CCDC171: variants seen among roughly 807,000 people sequenced by gnomAD.
CCDC171 encodes the protein coiled-coil domain containing 171, also known as coiled-coil domain-containing protein 171.
Under a neutral mutation model 168.2 loss-of-function variants are expected in CCDC171, and 177 were observed. The ratio of observed to expected loss-of-function variants is 1.05; its 90% CI spans 0.93 to 1.19. CCDC171 has a LOEUF of 1.19. Ranked by LOEUF, CCDC171 falls within the 50% of genes most tolerant of loss-of-function variation. The pLI, the probability that CCDC171 is intolerant of heterozygous loss-of-function variation, is 0.00. For synonymous variants in CCDC171, 687 were observed against 540.8 expected (o/e 1.27, Z -3.75); for missense variants, 1,991 against 1,539.0 (o/e 1.29, Z -4.91).
intron 4 of CCDC171, among the ~76,000 whole-genome samples, chr9:15,590,651 A>T (rs993684329): frequency 3.3e-5 from 5 of 152,214 alleles, no homozygotes; most frequent in African/African-American, 9.6e-5. Context: ...CTTGTGTAAG[A>T]TGTGTTACAA....
At position 15,846,753 on chromosome 9, in the gene CCDC171, C is replaced by T; in HGVS notation, c.3319C>T (p.Gln1107Ter). The T allele has an allele frequency of 6.2e-7, 1 of 1,612,974 alleles. No individual in the cohort carries two copies. The highest frequency in any genetic ancestry group is 1.7e-4 in the Middle Eastern group (1 of 6,056). ...GAGAAGAAAAGATCAATCTCTGCGT[C>T]AGCTCAATAGACATCTTACCCAGCT... ...ELRRKDQSLR[Q>*]LNRHLTQLEQ... The change falls in exon 22 of 26, where the codon CAG (glutamine) becomes TAG (stop). Residue 1107 changes from glutamine (Q) to a stop codon, truncating the protein, a stop_gained. Coordinates refer to ENST00000380701, the MANE Select transcript of CCDC171 (RefSeq NM_173550.4). LOFTEE classifies it high-confidence loss of function.
Position 15,779,130 on chromosome 9 carries a change from T to C in CCDC171, c.3061T>C (p.Leu1021=). Reference sequence around the variant, plus strand: ...CAAAGCCCAGGGTCTGCAAATGCAATTAAATGAATTTAAGCAGTCTGTAAG... The same window carrying C: ...CAAAGCCCAGGGTCTGCAAATGCAACTAAATGAATTTAAGCAGTCTGTAAG... ...LDKAQGLQMQ[L]NEFKQSKLIT... is the part of the protein sequence containing the mutation. The change falls in exon 20 of 26, where the codon TTA becomes CTA. Residue 1021 remains leucine (L), a synonymous_variant. Transcript: ENST00000380701. 1 of 1,579,186 alleles carries C rather than the reference T, an allele frequency of 6.3e-7. No homozygotes were observed. The highest frequency in any genetic ancestry group is 8.6e-7 in the Non-Finnish European group (1 of 1,166,384).
At position 15,744,355 on chromosome 9, in the gene CCDC171, CG is replaced by C. The variant is rs771959943; in HGVS notation, c.2133del (p.His712ThrfsTer22). 7.2e-5 allele frequency: 116 copies of C among 1,613,704 alleles called. No homozygotes were observed. The highest frequency in any genetic ancestry group is 8.5e-5 in the Non-Finnish European group (100 of 1,179,916). On this transcript the variant is annotated frameshift_variant, in exon 17 of 26. Coordinates refer to ENST00000380701, the MANE Select transcript of CCDC171 (RefSeq NM_173550.4). LOFTEE classifies it high-confidence loss of function. ...KSHEQLVLENSHFKKLLSQTQ... is the reference protein window; with the variant it reads ...KSHEQLVLENXHFKKLLSQTQ... Reference sequence around the variant, plus strand: ...CATGAACAGTTGGTTCTTGAAAATTCGCACTTCAAAAAACTGTTATCACAGA... The same window carrying C: ...CATGAACAGTTGGTTCTTGAAAATTCCACTTCAAAAAACTGTTATCACAGA...
chr9:15,706,887 T>A lies in CCDC171; in HGVS notation c.1318+11550T>A, dbSNP rs377625469. On this transcript the variant is annotated intron_variant, in intron 11 of 25. Transcript: ENST00000380701. The stretch of plus-strand genomic sequence containing the variant: ...CAGTAGCATTTGATTCCTTTGGGCA[T>A]GTATGTGTCACCCAGGAATTGGGCA... Among the ~76,000 whole-genome samples the A allele has an allele frequency of 7.8e-4, 119 of 152,364 alleles. 1 individual carries two copies. Among genetic ancestry groups the A allele is most frequent in the African/African-American group, 2.6e-3 (110 of 41,594 alleles).
intron 23 of CCDC171, among the ~76,000 whole-genome samples, chr9:15,872,032 A>G (rs1427037665): frequency 6.6e-6 from 1 of 152,038 alleles, no homozygotes; most frequent in African/African-American, 2.4e-5. Context: ...AAAAGTGGAA[A>G]AAACTCTTAA....
At chr9:15,955,508 C>G (rs1010020514) in intron 25 of CCDC171, among the ~76,000 whole-genome samples, 1 of 152,066 alleles carries the variant, frequency 6.6e-6, no homozygotes, top group South Asian at 2.1e-4. Context: ...GCAAGCTGTT[C>G]CAAGAACATT....
chr9:15,831,763 A>T (rs781682369), intron 21 of CCDC171, among the ~76,000 whole-genome samples: 1 of 148,994 alleles, frequency 6.7e-6, no homozygotes, highest in African/African-American at 2.5e-5. Flanking sequence ...GTCAACTACA[A>T]AGTAACTACT....
intron 21 of CCDC171, among the ~76,000 whole-genome samples, chr9:15,838,867 T>C (rs1191930048): frequency 3.9e-5 from 6 of 152,216 alleles, no homozygotes; most frequent in Admixed American, 2.6e-4. Flanking sequence ...TATCTTGATA[T>C]ACTGTTGTGA....
At chr9:15,664,526 G>A (rs1218581150) in intron 8 of CCDC171, among the ~76,000 whole-genome samples, 1 of 146,466 alleles carries the variant, frequency 6.8e-6, no homozygotes. Context: ...TGGGATTACA[G>A]GCATGAGCCA....
At chr9:15,819,729 A>G (rs1347114562) in intron 21 of CCDC171, among the ~76,000 whole-genome samples, 1 of 117,222 alleles carries the variant, frequency 8.5e-6, no homozygotes, top group African/African-American at 3.2e-5. Context: ...AGACTCCCAC[A>G]CAATAATAAT....
At chr9:16,037,871 G>A (rs1833501160), upstream of CCDC171, among the ~76,000 whole-genome samples, 1 of 151,936 alleles carries the variant, frequency 6.6e-6, no homozygotes, top group Non-Finnish European at 1.5e-5. Context: ...GAAAATGAAG[G>A]AGAAGAAATA....
rs1564193684 is a variant in CCDC171, at chr9:15,677,903, T to TAC, written c.1077-854_1077-853insCA. Among the ~76,000 whole-genome samples, 41 of 26,544 alleles carry TAC rather than the reference T, an allele frequency of 1.5e-3. 3 individuals are homozygous for TAC. Among genetic ancestry groups the TAC allele is most frequent in the African/African-American group, 4.3e-3 (38 of 8,804 alleles). The allele number at this position is 26,544 out of a possible 152,430, so 17.4% of individuals were successfully genotyped here. ...TCATATATATATATATATATATATA[T>TAC]ATATATATATATATATATATATAAG... On this transcript the variant is annotated intron_variant, in intron 9 of 25. Transcript: ENST00000380701.
At chr9:15,719,440 GAGA>G (rs1554776005) in intron 11 of CCDC171, among the ~76,000 whole-genome samples, 1 of 122,950 alleles carries the variant, frequency 8.1e-6, no homozygotes, top group Non-Finnish European at 1.6e-5. Context: ...GAGAGAGAGA[GAGA>G]GAGAAAGTTT....
the CCDC171 span, among the ~76,000 whole-genome samples, chr9:16,067,307 T>C: frequency 6.1e-4 from 93 of 151,856 alleles, no homozygotes; most frequent in Non-Finnish European, 1.2e-3. Flanking sequence ...TTTGATGGGG[T>C]TGTTTGTTTT....
rs191697183 is a variant in CCDC171, at chr9:15,633,425, G to A, written c.822+10012G>A. Among the ~76,000 whole-genome samples the A allele has an allele frequency of 3.0e-3, 458 of 152,304 alleles. 2 individuals are homozygous for A. Among genetic ancestry groups the A allele is most frequent in the African/African-American group, 0.011 (437 of 41,566 alleles). ...CAGCCAAAAAAACACATGAAAAAAT[G>A]CTCACCGTCACTGGCCATCAGAGAA... On this transcript the variant is annotated intron_variant, in intron 7 of 25. Coordinates refer to ENST00000380701, the MANE Select transcript of CCDC171 (RefSeq NM_173550.4).
chr9:16,033,423 G>A (rs964694490), intron 6 of CCDC171, among the ~76,000 whole-genome samples: 5 of 152,162 alleles, frequency 3.3e-5, no homozygotes, highest in African/African-American at 1.2e-4. Context: ...ATTCTCATAG[G>A]AGCGCAAGCC....
At chr9:15,827,168 A>G (rs1054938180) in intron 21 of CCDC171, among the ~76,000 whole-genome samples, 3 of 152,006 alleles carry the variant, frequency 2.0e-5, no homozygotes, top group African/African-American at 7.3e-5. Context: ...AGATCTTTCA[A>G]TTTTTATTTG....
At chr9:15,900,216 C>T (rs1425493672) in intron 24 of CCDC171, among the ~76,000 whole-genome samples, 1 of 152,124 alleles carries the variant, frequency 6.6e-6, no homozygotes, top group African/African-American at 2.4e-5. Flanking sequence ...TGGGCCTGAC[C>T]TAATCAGGTG....
intron 4 of CCDC171, among the ~76,000 whole-genome samples, chr9:15,587,943 T>C (rs2041691009): frequency 6.6e-6 from 1 of 151,976 alleles, no homozygotes; most frequent in South Asian, 2.1e-4. Flanking sequence ...CTATTAGAAA[T>C]TAAAAATATG....
Sources: allele counts gnomAD v4.1 joint callset (sites outside exome capture counted in the v4.1 genomes callset), GRCh38; gene constraint gnomAD v4.1.1; transcripts MANE v1.5; gene names NCBI Gene and HGNC (gene_info 2026-07-23, HGNC 2026-07-21).